The following ELL variants were observed in gnomAD, a reference collection of about 807,000 sequenced individuals.
The protein encoded by ELL is elongation factor for RNA polymerase II.
ELL carries 18 observed loss-of-function variants against 64.0 expected under a neutral mutation model. The observed-to-expected ratio is 0.28, with a 90% CI of 0.19 to 0.42. The LOEUF is 0.42. ELL is among the 10% of genes least tolerant of loss of function. The probability of loss-of-function intolerance (pLI) is 1.00; values close to 1 mark genes in which losing one functional copy is unlikely to be tolerated. For synonymous variants in ELL, 399 were observed against 376.2 expected, an observed-to-expected ratio of 1.06 and a Z score of -0.70; for missense variants, 797 against 870.4, an observed-to-expected ratio of 0.92 and a Z score of 1.06.
At chr19:18,518,154 C>A (rs1976168515) in intron 1 of ELL, among the ~76,000 whole-genome samples, 1 of 150,572 alleles carries the variant, frequency 6.6e-6, no homozygotes, top group Admixed American at 6.6e-5. Context: ...CACCATTACA[C>A]TCCAGCCTAG....
Position 18,450,703 on chromosome 19 carries a change from G to T in ELL, c.1239C>A (p.His413Gln), listed in dbSNP as rs547360285. 5.7e-6 allele frequency: 9 copies of T among 1,585,862 alleles called. No homozygotes were observed. Among genetic ancestry groups the T allele is most frequent in the South Asian group, 1.1e-5 (1 of 88,428 alleles). Residue 413 changes from histidine (H) to glutamine (Q), a missense_variant, in exon 8 of 12, where the codon CAC becomes CAA. His to Gln is a conservative substitution (Grantham distance 24). Coordinates refer to ENST00000262809, the MANE Select transcript of ELL (RefSeq NM_006532.4). Reference sequence around the variant, plus strand: ...TGGGGGCTGGGGCAGCCGCCTCTCCGTGCTCACAGTCTCGGCCGCTGTGGC... The same window carrying T: ...TGGGGGCTGGGGCAGCCGCCTCTCCTTGCTCACAGTCTCGGCCGCTGTGGC... ...DLGHSGRDCE[H>Q]GEAAAPAPTV...
chr19:18,506,147 C>A (rs552789562), intron 1 of ELL, among the ~76,000 whole-genome samples: 1 of 152,352 alleles, frequency 6.6e-6, no homozygotes, highest in Admixed American at 6.5e-5. Context: ...GCCCCTGGCA[C>A]TCAGGCCATG....
chr19:18,466,626 G>C (rs756846535), intron 2 of ELL, among the ~76,000 whole-genome samples: 1 of 152,204 alleles, frequency 6.6e-6, no homozygotes, highest in Non-Finnish European at 1.5e-5. Context: ...GACGGACTGC[G>C]CTGGTCCCGG....
At chr19:18,491,467 C>T (rs1362345446) in intron 1 of ELL, among the ~76,000 whole-genome samples, 1 of 151,904 alleles carries the variant, frequency 6.6e-6, no homozygotes, top group Non-Finnish European at 1.5e-5. Flanking sequence ...GGGTGGGCCT[C>T]GTCCAATCAG....
At chr19:18,462,778 T>A (rs1373625269) in intron 4 of ELL, among the ~76,000 whole-genome samples, 1 of 152,216 alleles carries the variant, frequency 6.6e-6, no homozygotes, top group Non-Finnish European at 1.5e-5. Context: ...CAGAGTCCTA[T>A]GCTGGCCCCA....
chr19:18,508,775 C>G (rs1246297129), intron 1 of ELL, among the ~76,000 whole-genome samples: 5 of 152,250 alleles, frequency 3.3e-5, no homozygotes, highest in Non-Finnish European at 7.3e-5. Context: ...CCATAAATTA[C>G]AGGTAAGCAA....
chr19:18,465,266 C>T, intron 4 of ELL, 146 bp downstream of exon 4: 2 of 1,186,058 alleles, frequency 1.7e-6, no homozygotes, highest in Non-Finnish European at 2.3e-6. Flanking sequence ...CTGGTCCAGG[C>T]ACGTCCTGCT....
At chr19:18,466,874 C>G (rs1974948786) in intron 2 of ELL, among the ~76,000 whole-genome samples, 1 of 152,208 alleles carries the variant, frequency 6.6e-6, no homozygotes, top group Non-Finnish European at 1.5e-5. Flanking sequence ...CAAGCCCCGT[C>G]TCCTCCTCTG....
At chr19:18,465,279 G>C in intron 4 of ELL, 133 bp downstream of exon 4, 1 of 1,300,866 alleles carries the variant, frequency 7.7e-7, no homozygotes, top group Non-Finnish European at 1.0e-6. Flanking sequence ...GTCCTGCTCA[G>C]GGACCGACTC....
At chr19:18,464,614 A>G (rs1974898115) in intron 4 of ELL, among the ~76,000 whole-genome samples, 1 of 151,950 alleles carries the variant, frequency 6.6e-6, no homozygotes, top group South Asian at 2.1e-4. Context: ...CTTCGGAAGG[A>G]GGAGAGAGAG....
Position 18,461,728 on chromosome 19 carries a change from C to T in ELL, c.594G>A (p.Gly198=). ...IRKSGASAVS[G]GSGVSQRPFR... ...AGGGCCTCTGGGACACCCCGCTGCCCCCACTCACGGCACTGGCACCACTCT... is the reference window on the plus strand; with the variant it reads ...AGGGCCTCTGGGACACCCCGCTGCCTCCACTCACGGCACTGGCACCACTCT... The change falls in exon 5 of 12, where the codon GGG becomes GGA. Residue 198 remains glycine, a synonymous_variant. Transcript: ENST00000262809. 6.2e-7 allele frequency: 1 copy of T among 1,613,886 alleles called. No individual in the cohort carries two copies. Among genetic ancestry groups the T allele is most frequent in the Non-Finnish European group, 8.5e-7 (1 of 1,180,004 alleles).
chr19:18,446,064 G>A (rs1297231546), intron 10 of ELL: 7 of 535,522 alleles, frequency 1.3e-5, no homozygotes, highest in Non-Finnish European at 2.0e-5. Context: ...AAGGAGGTGG[G>A]TCACAGCTGT....
At chr19:18,474,480 C>A (rs1226626049) in intron 1 of ELL, among the ~76,000 whole-genome samples, 1 of 152,216 alleles carries the variant, frequency 6.6e-6, no homozygotes, top group Non-Finnish European at 1.5e-5. Flanking sequence ...ACCACCCAGG[C>A]CGTGATGCCC....
chr19:18,446,002 C>A, intron 10 of ELL: 1 of 375,250 alleles, frequency 2.7e-6, no homozygotes, highest in Non-Finnish European at 4.9e-6. Context: ...TGTGAGAGGA[C>A]CCCAGGCGCT....
At chr19:18,512,318 C>T (rs1319299853) in intron 1 of ELL, among the ~76,000 whole-genome samples, 1 of 150,844 alleles carries the variant, frequency 6.6e-6, no homozygotes, top group Non-Finnish European at 1.5e-5. Context: ...GAGCAGAAAG[C>T]TCCGTCTCAA....
chr19:18,445,586 G>A (rs1044753252), intron 10 of ELL, among the ~76,000 whole-genome samples: 1 of 151,592 alleles, frequency 6.6e-6, no homozygotes, highest in Admixed American at 6.6e-5. Flanking sequence ...GGAGGGAAGG[G>A]GAAGGAGAGA....
intron 8 of ELL, among the ~76,000 whole-genome samples, chr19:18,448,087 A>T (rs1568374574): frequency 7.1e-6 from 1 of 141,678 alleles, no homozygotes; most frequent in Non-Finnish European, 1.6e-5. Context: ...CACCTGGCGA[A>T]TTTTTTTTTT....
intron 1 of ELL, among the ~76,000 whole-genome samples, chr19:18,498,715 C>T (rs1242903011): frequency 6.6e-6 from 1 of 152,112 alleles, no homozygotes; most frequent in African/African-American, 2.4e-5. Context: ...CTTGGGAAGC[C>T]AAGGCGGGAG....
In ELL at chr19:18,443,710, C is replaced by T. The variant is rs943135423; in HGVS notation, c.*1042G>A. On this transcript the variant is annotated 3_prime_UTR_variant, in exon 12 of 12. Transcript: ENST00000262809. Reference sequence around the variant, plus strand: ...GCACCCCCAGAGCAGGCAGACCCATCCTCCTGGCTCCCCAGCTCTGCCCAT... The same window carrying T: ...GCACCCCCAGAGCAGGCAGACCCATTCTCCTGGCTCCCCAGCTCTGCCCAT... The T allele has an allele frequency of 1.7e-5, 4 of 233,100 alleles. No homozygotes were observed. The highest frequency in any genetic ancestry group is 8.8e-5 in the African/African-American group (4 of 45,332). 14.4% of individuals were successfully genotyped at this position (233,100 alleles called of 1,614,324 possible).
Sources: allele counts gnomAD v4.1 joint callset (sites outside exome capture counted in the v4.1 genomes callset), GRCh38; gene constraint gnomAD v4.1.1; transcripts MANE v1.5; gene names NCBI Gene and HGNC (gene_info 2026-07-23, HGNC 2026-07-21).